The following MPZL2 variants were observed in gnomAD, a reference collection of about 807,000 sequenced individuals.
The protein encoded by MPZL2 is myelin protein zero-like protein 2.
Under a neutral mutation model 24.5 loss-of-function variants are expected in MPZL2, and 32 were observed. That is an observed-to-expected ratio of 1.31 (90% CI 0.99 to 1.76). The LOEUF is 1.76. Among genes scored for constraint, MPZL2 ranks in the 40% most tolerant of loss-of-function variants. The pLI, the probability that MPZL2 is intolerant of heterozygous loss-of-function variation, is 0.00. For missense variants in MPZL2, 304 were observed against 274.9 expected (o/e 1.11, Z -0.75); for synonymous variants, 92 against 97.9 (o/e 0.94, Z 0.36).
intron 2 of MPZL2, 24 bp from the exon 3 acceptor site, chr11:118,262,672 G>A (rs770894795): frequency 8.1e-6 from 13 of 1,607,362 alleles, no homozygotes; most frequent in East Asian, 2.2e-5. Flanking sequence ...ATGGCAAAAG[G>A]TCTTCTTACT....
In MPZL2 at chr11:118,254,910, T is replaced by C. The variant is rs1056562; in HGVS notation, c.*336A>G. ...TAACAGACAAATTGGCTTTTATCCC[T>C]TTTGATACCAATATATGTGTATACA... is the stretch of plus-strand genomic sequence containing the variant. On this transcript the variant is annotated 3_prime_UTR_variant, in exon 6 of 6. Coordinates refer to ENST00000278937, the MANE Select transcript of MPZL2 (RefSeq NM_005797.4). The C allele has an allele frequency of 0.57, 86,583 of 152,104 alleles. 25,123 individuals carry two copies. The highest frequency in any genetic ancestry group is 0.74 in the South Asian group (3,570 of 4,826). 9.4% of individuals were successfully genotyped at this position (152,104 alleles called of 1,614,324 possible). A position where few individuals can be genotyped will look rare whatever the true frequency, so the allele number is the denominator to read the frequency against.
At chr11:118,256,327 T>A (rs1422040657) in intron 5 of MPZL2, among the ~76,000 whole-genome samples, 2 of 152,322 alleles carry the variant, frequency 1.3e-5, no homozygotes, top group Non-Finnish European at 2.9e-5. Context: ...TGTGTGGACC[T>A]ATTTCAGAGA....
rs933357435 is a variant in MPZL2, at chr11:118,254,108, T to C, written c.*1138A>G. 3.9e-5 allele frequency: 6 copies of C among 152,328 alleles called. No homozygotes were observed. Among genetic ancestry groups the C allele is most frequent in the African/African-American group, 1.2e-4 (5 of 41,448 alleles). The allele number at this position is 152,328 out of a possible 1,614,324, so 9.4% of individuals were successfully genotyped here. A position where few individuals can be genotyped will look rare whatever the true frequency, so the allele number is the denominator to read the frequency against. On this transcript the variant is annotated 3_prime_UTR_variant, in exon 6 of 6. Transcript: ENST00000278937. Reference sequence around the variant, plus strand: ...TAGCCCACTTATAAAGTTTGCTTTATCTACCAGTATGGGGGAAAAAAAGAA... The same window carrying C: ...TAGCCCACTTATAAAGTTTGCTTTACCTACCAGTATGGGGGAAAAAAAGAA...
chr11:118,262,438 C>G lies in MPZL2; in HGVS notation c.436G>C (p.Val146Leu), dbSNP rs376799391. 2 of 1,613,580 alleles carry G rather than the reference C, an allele frequency of 1.2e-6. No homozygotes were observed. Among genetic ancestry groups the G allele is most frequent in the African/African-American group, 2.7e-5 (2 of 74,996 alleles). Residue 146 changes from valine (V) to leucine (L), a missense_variant and splice_region_variant, in exon 3 of 6, where the codon GTA becomes CTA. Val to Leu is a conservative substitution (Grantham distance 32). Coordinates refer to ENST00000278937, the MANE Select transcript of MPZL2 (RefSeq NM_005797.4). ...GEIRLSVVHT[V>L]RFSEIHFLAL... ...AACCACTGTTCCCTGCATAACCTAC[C>G]AGTGTGCACGACGCTGAGCCGGATC... is the stretch of plus-strand genomic sequence containing the variant.
At position 118,257,277 on chromosome 11, in the gene MPZL2, G is replaced by T; in HGVS notation, c.621C>A (p.Val207=). 1.2e-6 allele frequency: 2 copies of T among 1,611,820 alleles called. No individual in the cohort carries two copies. The highest frequency in any genetic ancestry group is 1.1e-5 in the South Asian group (1 of 90,484). The change falls in exon 5 of 6, where the codon GTC becomes GTA. Residue 207 remains valine (V), a synonymous_variant. Coordinates refer to ENST00000278937, the MANE Select transcript of MPZL2 (RefSeq NM_005797.4). ...EEERLNQEKK[V]SVYLEDTD The stretch of plus-strand genomic sequence containing the variant: ...AGTCTGTGTCTTCTAAATAAACAGA[G>T]ACCTTTTTCTCTTGGTTGAGCCTTT...
At chr11:118,257,165 G>T (rs1949666123) in intron 5 of MPZL2, 73 bp downstream of exon 5, 1 of 1,070,314 alleles carries the variant, frequency 9.3e-7, no homozygotes, top group African/African-American at 1.6e-5. Context: ...TGATGATCTG[G>T]GAGTCCTCAT....
At chr11:118,260,984 G>A (rs1228474948) in intron 3 of MPZL2, among the ~76,000 whole-genome samples, 1 of 152,136 alleles carries the variant, frequency 6.6e-6, no homozygotes, top group African/African-American at 2.4e-5. Context: ...TGGGGAAGAG[G>A]ATGGAAGGTA....
chr11:118,262,405 CTT>C, intron 3 of MPZL2, 31 bp downstream of exon 3: 1 of 1,606,110 alleles, frequency 6.2e-7, no homozygotes. Flanking sequence ...AGCTCTCATC[CTT>C]TCCAAAACCA....
At position 118,264,268 on chromosome 11, in the gene MPZL2, T is replaced by A. The variant is rs1949723975; in HGVS notation, c.-115A>T. 12 of 960,318 alleles carry A rather than the reference T, an allele frequency of 1.2e-5. No homozygotes were observed. In the South Asian group the frequency reaches 1.6e-4, roughly 13 times the overall value. The allele number at this position is 960,318 out of a possible 1,614,324, so 59.5% of individuals were successfully genotyped here. A position where few individuals can be genotyped will look rare whatever the true frequency, so the allele number is the denominator to read the frequency against. ...CCGCGTTTTCCCAGAGAGAGGAGTT[T>A]GAGTTGAGTTCCTCACCTGTGCCTG... On this transcript the variant is annotated 5_prime_UTR_variant, in exon 1 of 6. Coordinates refer to ENST00000278937, the MANE Select transcript of MPZL2 (RefSeq NM_005797.4).
chr11:118,260,501 T>TC (rs1240627414), intron 3 of MPZL2, among the ~76,000 whole-genome samples: 29 of 152,174 alleles, frequency 1.9e-4, no homozygotes, highest in African/African-American at 6.0e-4. Flanking sequence ...GGCTGAGCAA[T>TC]CTGTGTCTTA....
intron 4 of MPZL2, 97 bp downstream of exon 4, chr11:118,259,957 A>C (rs1387984468): frequency 6.5e-6 from 9 of 1,386,484 alleles, no homozygotes; most frequent in Non-Finnish European, 8.9e-6. Context: ...ATTTACTTAA[A>C]GGGAAAAACA....
In MPZL2 at chr11:118,254,681, A is replaced by G. The variant is rs1163935238; in HGVS notation, c.*565T>C. ...TCACCTGGAATATTGAAAGAAATTC[A>G]GTAAAACAAGATGTGTCTCATAGTT... On this transcript the variant is annotated 3_prime_UTR_variant, in exon 6 of 6. Transcript: ENST00000278937. 2 of 152,272 alleles carry G rather than the reference A, an allele frequency of 1.3e-5. No individual in the cohort carries two copies. The highest frequency in any genetic ancestry group is 2.9e-5 in the Non-Finnish European group (2 of 68,046). 9.4% of individuals were successfully genotyped at this position (152,272 alleles called of 1,614,324 possible). A position where few individuals can be genotyped will look rare whatever the true frequency, so the allele number is the denominator to read the frequency against.
chr11:118,253,817 T>G lies in MPZL2; in HGVS notation c.*1429A>C, dbSNP rs547050492. On this transcript the variant is annotated 3_prime_UTR_variant, in exon 6 of 6. Coordinates refer to ENST00000278937, the MANE Select transcript of MPZL2 (RefSeq NM_005797.4). Reference sequence around the variant, plus strand: ...TATAAAAGGCAGAATGAGACAGATATGTAATGAATTTCAGAACTGAGGTTC... The same window carrying G: ...TATAAAAGGCAGAATGAGACAGATAGGTAATGAATTTCAGAACTGAGGTTC... 2 of 152,734 alleles carry G rather than the reference T, an allele frequency of 1.3e-5. No individual in the cohort carries two copies. Among genetic ancestry groups the G allele is most frequent in the Non-Finnish European group, 2.9e-5 (2 of 68,004 alleles). The allele number at this position is 152,734 out of a possible 1,614,324, so 9.5% of individuals were successfully genotyped here.
chr11:118,257,995 A>C (rs111231026), intron 4 of MPZL2, among the ~76,000 whole-genome samples: 7,248 of 151,388 alleles, frequency 0.048, 588 homozygotes, highest in African/African-American at 0.17. Context: ...GGGCAACCAG[A>C]GTGAAAGTCT....
chr11:118,257,136 A>G, intron 5 of MPZL2, 102 bp downstream of exon 5: 1 of 766,706 alleles, frequency 1.3e-6, no homozygotes, highest in Non-Finnish European at 2.1e-6. Context: ...CATATGGGAA[A>G]CACCTAACAG....
chr11:118,257,736 G>A, intron 4 of MPZL2: 1 of 154,484 alleles, frequency 6.5e-6, no homozygotes, highest in Non-Finnish European at 1.4e-5. Context: ...GTTTCGCCAG[G>A]CGCGGTGGCT....
rs1023330719 is a variant in MPZL2, at chr11:118,264,254, C to T, written c.-101G>A. Reference sequence around the variant, plus strand: ...GGGAGGAGCAAGCACCGCGTTTTCCCAGAGAGAGGAGTTTGAGTTGAGTTC... The same window carrying T: ...GGGAGGAGCAAGCACCGCGTTTTCCTAGAGAGAGGAGTTTGAGTTGAGTTC... On this transcript the variant is annotated 5_prime_UTR_variant, in exon 1 of 6. Transcript: ENST00000278937. 1.7e-6 allele frequency: 2 copies of T among 1,146,154 alleles called. No individual in the cohort carries two copies. Among genetic ancestry groups the T allele is most frequent in the Non-Finnish European group, 2.6e-6 (2 of 764,036 alleles). The allele number at this position is 1,146,154 out of a possible 1,614,324, so 71.0% of individuals were successfully genotyped here.
chr11:118,257,270 A>G lies in MPZL2; in HGVS notation c.628T>C (p.Tyr210His), dbSNP rs1381067778. The change falls in exon 5 of 6, where the codon TAT (tyrosine) becomes CAT (histidine). Residue 210 changes from tyrosine to histidine, a missense_variant. Transcript: ENST00000278937. ...RLNQEKKVSV[Y>H]LEDTD ...AATTGTTAGTCTGTGTCTTCTAAATAAACAGAGACCTTTTTCTCTTGGTTG... is the reference window on the plus strand; with the variant it reads ...AATTGTTAGTCTGTGTCTTCTAAATGAACAGAGACCTTTTTCTCTTGGTTG... The G allele has an allele frequency of 1.9e-6, 3 of 1,611,736 alleles. No individual in the cohort carries two copies. The highest frequency in any genetic ancestry group is 2.5e-6 in the Non-Finnish European group (3 of 1,178,940).
At chr11:118,260,607 G>T (rs1381469291) in intron 3 of MPZL2, among the ~76,000 whole-genome samples, 2 of 152,164 alleles carry the variant, frequency 1.3e-5, no homozygotes, top group Non-Finnish European at 2.9e-5. Context: ...ATCAAACGTA[G>T]TGCCCAACCC....
Sources: allele counts gnomAD v4.1 joint callset (sites outside exome capture counted in the v4.1 genomes callset), GRCh38; gene constraint gnomAD v4.1.1; transcripts MANE v1.5; gene names NCBI Gene and HGNC (gene_info 2026-07-23, HGNC 2026-07-21).